Variants in CDH7 observed in about 807,000 individuals in gnomAD.
CDH7 encodes the protein cadherin-7.
CDH7 carries 25 observed loss-of-function variants against 71.8 expected under a neutral mutation model. The ratio of observed to expected loss-of-function variants is 0.35; its 90% confidence interval spans 0.25 to 0.49. The LOEUF (loss-of-function observed/expected upper bound fraction) is 0.49. CDH7 is among the 20% of genes least tolerant of loss of function. CDH7 has a pLI of 0.99. For synonymous variants in CDH7, 381 were observed against 363.8 expected (o/e 1.05, Z -0.54); for missense variants, 862 against 974.6 (o/e 0.88, Z 1.54).
chr18:65,857,321 A>G (rs1913396750), intron 7 of CDH7, among the ~76,000 whole-genome samples: 1 of 2,922 alleles, frequency 3.4e-4, no homozygotes, highest in East Asian at 8.6e-3. Flanking sequence ...TGCATCTATA[A>G]TAATAATAAT....
chr18:65,866,316 AAAAAAAAAAAAAAAC>A lies in CDH7; in HGVS notation c.1864+3414_1864+3428del, dbSNP rs1255825712. Reference sequence around the variant, plus strand: ...TCCGTCTCAAAAAAAAAAAAAAAACAAAAAAAAAAAAAAACAAAAAAAAAAAAAAAAAGAATGAAA... The same window carrying A: ...TCCGTCTCAAAAAAAAAAAAAAAACAAAAAAAAAAAAAAAAAAGAATGAAA... On this transcript the variant is annotated intron_variant, in intron 11 of 11. Transcript: ENST00000397968. 6 of 3,356 alleles carry A rather than the reference AAAAAAAAAAAAAAAC, an allele frequency of 1.8e-3. 2 individuals are homozygous for A. Among genetic ancestry groups the A allele is most frequent in the African/African-American group, 3.0e-3 (5 of 1,660 alleles). 0.2% of individuals were successfully genotyped at this position (3,356 alleles called of 1,614,324 possible).
chr18:65,857,751 A>T, intron 7 of CDH7, 65 bp from the exon 8 acceptor site: 1 of 1,495,414 alleles, frequency 6.7e-7, no homozygotes, highest in Non-Finnish European at 9.2e-7. Context: ...ATAATGAAAT[A>T]GTTTCAGCAA....
chr18:65,778,382 C>A (rs1220818301), intron 2 of CDH7, among the ~76,000 whole-genome samples: 1 of 150,406 alleles, frequency 6.6e-6, no homozygotes, highest in Non-Finnish European at 1.5e-5. Flanking sequence ...ATTACAAAAC[C>A]AAACCAGGAA....
chr18:65,793,672 G>T (rs1910798447), intron 2 of CDH7, among the ~76,000 whole-genome samples: 2 of 152,088 alleles, frequency 1.3e-5, no homozygotes, highest in Non-Finnish European at 2.9e-5. Flanking sequence ...CATTCAGTGT[G>T]ATTGCAAAGG....
intron 11 of CDH7, among the ~76,000 whole-genome samples, chr18:65,875,599 C>G (rs1165935924): frequency 6.6e-6 from 1 of 152,044 alleles, no homozygotes; most frequent in African/African-American, 2.4e-5. Flanking sequence ...TTAAAACTGA[C>G]AAAAAGGCCG....
rs1346637889 is a variant in CDH7 at position 65,780,170 on chromosome 18, A to G, written c.210+17118A>G. On this transcript the variant is annotated intron_variant, in intron 2 of 11. Transcript: ENST00000397968. ...GGGGTTGTTTGTTTTTTTCTTGTAA[A>G]TTTGTTTGAGTTCATTGTAGATTCT... 1.8e-5 allele frequency among the ~76,000 whole-genome samples: 2 copies of G among 110,744 alleles called. 1 individual carries two copies. Among genetic ancestry groups the G allele is most frequent in the Admixed American group, 1.7e-4 (2 of 11,854 alleles). The allele number at this position is 110,744 out of a possible 152,430, so 72.7% of individuals were successfully genotyped here.
intron 6 of CDH7, among the ~76,000 whole-genome samples, chr18:65,833,077 A>G (rs1403867222): frequency 6.6e-6 from 1 of 152,170 alleles, no homozygotes; most frequent in Non-Finnish European, 1.5e-5. Flanking sequence ...GCTAGATTCA[A>G]AATATGCTCA....
chr18:65,835,211 A>G (rs568959486), intron 6 of CDH7, among the ~76,000 whole-genome samples: 1 of 152,326 alleles, frequency 6.6e-6, no homozygotes, highest in East Asian at 1.9e-4. Context: ...TTGACATGTC[A>G]TCATTTCTGC....
chr18:65,879,190 C>T (rs528810612), intron 11 of CDH7, among the ~76,000 whole-genome samples: 6 of 152,164 alleles, frequency 3.9e-5, no homozygotes, highest in African/African-American at 1.2e-4. Flanking sequence ...CAGTTAAGGA[C>T]GTTGATGTCC....
chr18:65,807,848 T>C (rs1286079122), intron 2 of CDH7, among the ~76,000 whole-genome samples: 1 of 152,052 alleles, frequency 6.6e-6, no homozygotes, highest in Non-Finnish European at 1.5e-5. Context: ...CTTGAAGATT[T>C]GGGGGGGTGA....
chr18:65,808,306 T>A (rs1037776918), intron 2 of CDH7, among the ~76,000 whole-genome samples: 2 of 152,350 alleles, frequency 1.3e-5, no homozygotes, highest in East Asian at 3.9e-4. Context: ...TTTCACCCTT[T>A]GTATTATAAA....
intron 7 of CDH7, among the ~76,000 whole-genome samples, chr18:65,847,791 C>CT (rs1912984322): frequency 6.6e-6 from 1 of 151,990 alleles, no homozygotes; most frequent in Admixed American, 6.6e-5. Context: ...AATGTTAGGT[C>CT]TTTTTTATAC....
chr18:65,880,919 A>G lies in CDH7; in HGVS notation c.*25A>G. 3 of 1,547,588 alleles carry G rather than the reference A, an allele frequency of 1.9e-6. No individual in the cohort carries two copies. Among genetic ancestry groups the G allele is most frequent in the Non-Finnish European group, 2.6e-6 (3 of 1,150,606 alleles). ...GCCTTGGAACCTTAATTCGAAATGTACTGAAGAAAAAGTAACAGCAAAAAA... is the reference window on the plus strand; with the variant it reads ...GCCTTGGAACCTTAATTCGAAATGTGCTGAAGAAAAAGTAACAGCAAAAAA... On this transcript the variant is annotated 3_prime_UTR_variant, in exon 12 of 12. Coordinates refer to ENST00000397968, the MANE Select transcript of CDH7 (RefSeq NM_004361.5).
intron 2 of CDH7, among the ~76,000 whole-genome samples, chr18:65,768,222 G>T (rs9951636): frequency 0.014 from 1,127 of 81,980 alleles, 14 homozygotes; most frequent in African/African-American, 0.073. Flanking sequence ...ATGCGTTGTT[G>T]TTTTTTTTTT....
At position 65,883,206 on chromosome 18, in the gene CDH7, A is replaced by T. The variant is rs911158357; in HGVS notation, c.*2312A>T. On this transcript the variant is annotated 3_prime_UTR_variant, in exon 12 of 12. Transcript: ENST00000397968. ...GATGATTATATGAATACAGTATTAC[A>T]TTTCATTCAGTGGTATTTTTTAATT... 2.6e-5 allele frequency: 4 copies of T among 152,008 alleles called. No homozygotes were observed. The highest frequency in any genetic ancestry group is 9.7e-5 in the African/African-American group (4 of 41,436). 9.4% of individuals were successfully genotyped at this position (152,008 alleles called of 1,614,324 possible).
At position 65,880,435 on chromosome 18, in the gene CDH7, G is replaced by T. The variant is rs1220696435; in HGVS notation, c.1899G>T (p.Arg633=). Reference sequence around the variant, plus strand: ...TCCTTATCGTCACTATGAGAAGACGGAAAAAAGAGCCCCTTATTTTTGACG... The same window carrying T: ...TCCTTATCGTCACTATGAGAAGACGTAAAAAAGAGCCCCTTATTTTTGACG... The part of the protein sequence containing the change: ...LILLIVTMRR[R]KKEPLIFDEE... Residue 633 remains arginine, a synonymous_variant, in exon 12 of 12, where the codon CGG becomes CGT. Coordinates refer to ENST00000397968, the MANE Select transcript of CDH7 (RefSeq NM_004361.5). 1 of 1,558,974 alleles carries T rather than the reference G, an allele frequency of 6.4e-7. No homozygotes were observed. Among genetic ancestry groups the T allele is most frequent in the African/African-American group, 1.4e-5 (1 of 72,420 alleles).
intron 2 of CDH7, among the ~76,000 whole-genome samples, chr18:65,780,905 TC>T (rs1170022611): frequency 2.0e-5 from 3 of 146,692 alleles, no homozygotes; most frequent in African/African-American, 7.8e-5. Context: ...CTTGTTTGCC[TC>T]TCTCTATTCC....
rs758301501 is a variant in CDH7, at chr18:65,763,037, C to T, written c.195C>T (p.Pro65=). 3 of 1,609,974 alleles carry T rather than the reference C, an allele frequency of 1.9e-6. No individual in the cohort carries two copies. In the African/African-American group the frequency reaches 4.0e-5, roughly 22 times the overall value. ...TGGAGGAATACATGGGTTCAGACCCCCTCTATGTAGGAAAGGTAGGGTATT... is the reference window on the plus strand; with the variant it reads ...TGGAGGAATACATGGGTTCAGACCCTCTCTATGTAGGAAAGGTAGGGTATT... ...FVLEEYMGSD[P]LYVGKLHSDV... is the part of the protein sequence containing the mutation. Residue 65 remains proline (P), a synonymous_variant, in exon 2 of 12, where the codon CCC becomes CCT. Coordinates refer to ENST00000397968, the MANE Select transcript of CDH7 (RefSeq NM_004361.5).
chr18:65,829,882 T>A (rs1912276976), intron 6 of CDH7, among the ~76,000 whole-genome samples: 2 of 151,782 alleles, frequency 1.3e-5, no homozygotes, highest in African/African-American at 4.8e-5. Flanking sequence ...ATATTCTGAT[T>A]TTTTTCATAG....
Sources: allele counts gnomAD v4.1 joint callset (sites outside exome capture counted in the v4.1 genomes callset), GRCh38; gene constraint gnomAD v4.1.1; transcripts MANE v1.5; gene names NCBI Gene and HGNC (gene_info 2026-07-23, HGNC 2026-07-21).